ADAMTS2: variants seen among roughly 807,000 people sequenced by gnomAD.
The protein encoded by ADAMTS2 is A disintegrin and metalloproteinase with thrombospondin motifs 2.
Under a neutral mutation model 123.0 loss-of-function variants are expected in ADAMTS2, and 50 were observed. The observed-to-expected ratio is 0.41, with a 90% CI of 0.32 to 0.51. The LOEUF is 0.51. Ranked by LOEUF, ADAMTS2 falls within the 20% of genes least tolerant of loss-of-function variation. The pLI is 0.35. For synonymous variants in ADAMTS2, 678 were observed against 695.4 expected (o/e 0.98, Z 0.39); for missense variants, 1,494 against 1,705.2 (o/e 0.88, Z 2.18).
intron 2 of ADAMTS2, among the ~76,000 whole-genome samples, chr5:179,338,254 G>A (rs536051847): frequency 5.6e-4 from 85 of 152,214 alleles, no homozygotes; most frequent in Non-Finnish European, 8.5e-4. Context: ...CAGGAGAGAC[G>A]CCAGCCCACA....
intron 3 of ADAMTS2, among the ~76,000 whole-genome samples, chr5:179,252,360 C>T (rs1581221375): frequency 6.6e-6 from 1 of 152,168 alleles, no homozygotes; most frequent in Admixed American, 6.5e-5. Context: ...CTTCTATTTT[C>T]TTTGGATCAA....
intron 3 of ADAMTS2, among the ~76,000 whole-genome samples, chr5:179,221,904 G>A (rs958597477): frequency 6.6e-6 from 1 of 152,086 alleles, no homozygotes; most frequent in South Asian, 2.1e-4. Context: ...TGAGGAGCAG[G>A]CCTGCCCAAC....
Position 179,225,100 on chromosome 5 carries a change from G to A in ADAMTS2, c.689-17385C>T, listed in dbSNP as rs1181525629. ...GTTTTATGGTGGAATCCTCACGCAG[G>A]GGCCTGAGGAACACTCCCTGGTTAT... On this transcript the variant is annotated intron_variant, in intron 3 of 21. Coordinates refer to ENST00000251582, the MANE Select transcript of ADAMTS2 (RefSeq NM_014244.5). This position sits in a 1 kb window ranked among gnomAD's most constrained non-coding sequence, Gnocchi z 4.5. Among the ~76,000 whole-genome samples, 1 of 152,066 alleles carries A rather than the reference G, an allele frequency of 6.6e-6. No individual in the cohort carries two copies. Among genetic ancestry groups the A allele is most frequent in the Non-Finnish European group, 1.5e-5 (1 of 68,022 alleles).
Position 179,194,560 on chromosome 5 carries a change from C to G in ADAMTS2, c.891+12953G>C, listed in dbSNP as rs148549705. ...AAATGCTGTGGGGAGGTCAGTGAGG[C>G]CTGAGATGAGAACCCGCGGAGCATG... On this transcript the variant is annotated intron_variant, in intron 4 of 21. Transcript: ENST00000251582. 5.0e-3 allele frequency among the ~76,000 whole-genome samples: 766 copies of G among 152,186 alleles called. 3 individuals carry two copies. Among genetic ancestry groups the G allele is most frequent in the Middle Eastern group, 0.014 (4 of 294 alleles).
At chr5:179,279,011 G>T (rs1160937641) in intron 2 of ADAMTS2, among the ~76,000 whole-genome samples, 1 of 151,820 alleles carries the variant, frequency 6.6e-6, no homozygotes, top group Admixed American at 6.6e-5. Context: ...GAAGTTAGGG[G>T]TTCACAGGAA....
chr5:179,249,646 C>T (rs766740687), intron 3 of ADAMTS2, among the ~76,000 whole-genome samples: 5 of 152,000 alleles, frequency 3.3e-5, no homozygotes, highest in Non-Finnish European at 7.4e-5. Context: ...ATTAAATAAC[C>T]TAGAAGAAAT....
intron 2 of ADAMTS2, among the ~76,000 whole-genome samples, chr5:179,302,758 C>T (rs1278377340): frequency 6.6e-6 from 1 of 151,908 alleles, no homozygotes; most frequent in Non-Finnish European, 1.5e-5. Flanking sequence ...AGAGATGACA[C>T]TGGAGCTGAG....
intron 10 of ADAMTS2, among the ~76,000 whole-genome samples, chr5:179,151,661 C>T (rs555465128): frequency 2.5e-4 from 38 of 152,284 alleles, no homozygotes; most frequent in African/African-American, 9.1e-4. Context: ...AGAAGTCCTT[C>T]TTTCAAGAGT....
Position 179,154,813 on chromosome 5 carries a change from C to G in ADAMTS2, c.1238+1G>C, listed in dbSNP as rs1426773627. 2 of 1,608,104 alleles carry G rather than the reference C, an allele frequency of 1.2e-6. No individual in the cohort carries two copies. Among genetic ancestry groups the G allele is most frequent in the East Asian group, 4.5e-5 (2 of 44,720 alleles). On this transcript the variant is annotated splice_donor_variant, in intron 7 of 21. Transcript: ENST00000251582. LOFTEE classifies it high-confidence loss of function. The stretch of plus-strand genomic sequence containing the variant: ...GCCCCACCCTTCCCCAGGCCACTTA[C>G]ACGTGGCCAGTCTCATGGGCCACCA...
At position 179,158,055 on chromosome 5, in the gene ADAMTS2, C is replaced by A. The variant is rs985762366; in HGVS notation, c.1132+668G>T. Among the ~76,000 whole-genome samples, 8 of 151,996 alleles carry A rather than the reference C, an allele frequency of 5.3e-5. No homozygotes were observed. Among genetic ancestry groups the A allele is most frequent in the Admixed American group, 1.3e-4 (2 of 15,264 alleles). ...TCTCGACTCATTGCAAACTCCGCCT[C>A]CCGGGTTCACACCATTCTCCTGCCT... On this transcript the variant is annotated intron_variant, in intron 6 of 21. Coordinates refer to ENST00000251582, the MANE Select transcript of ADAMTS2 (RefSeq NM_014244.5). This position sits in a 1 kb window ranked among gnomAD's most constrained non-coding sequence, Gnocchi z 5.0.
chr5:179,149,711 A>G (rs763365536), intron 10 of ADAMTS2, among the ~76,000 whole-genome samples: 4 of 152,184 alleles, frequency 2.6e-5, no homozygotes, highest in Non-Finnish European at 5.9e-5. Context: ...GGACAGGGAA[A>G]CATACAGACC....
At position 179,299,477 on chromosome 5, in the gene ADAMTS2, C is replaced by T. The variant is rs151111310; in HGVS notation, c.535-26413G>A. On this transcript the variant is annotated intron_variant, in intron 2 of 21. Coordinates refer to ENST00000251582, the MANE Select transcript of ADAMTS2 (RefSeq NM_014244.5). ...CCAGGAGGCGGAGCTTGCAGTGAGC[C>T]AAGATCACACCACAGCACTCCAGCC... is the stretch of plus-strand genomic sequence containing the variant. Among the ~76,000 whole-genome samples the T allele has an allele frequency of 1.2e-3, 172 of 143,520 alleles. 1 individual carries two copies. Among genetic ancestry groups the T allele is most frequent in the African/African-American group, 4.2e-3 (161 of 38,402 alleles). The allele number at this position is 143,520 out of a possible 152,430, so 94.2% of individuals were successfully genotyped here.
At chr5:179,321,997 G>A (rs1041390938) in intron 2 of ADAMTS2, among the ~76,000 whole-genome samples, 1 of 152,220 alleles carries the variant, frequency 6.6e-6, no homozygotes, top group African/African-American at 2.4e-5. Context: ...TGTGGCATGG[G>A]CAGAGGCAGA....
chr5:179,339,081 C>T (rs554201039), intron 2 of ADAMTS2, among the ~76,000 whole-genome samples: 1 of 152,292 alleles, frequency 6.6e-6, no homozygotes, highest in Non-Finnish European at 1.5e-5. Flanking sequence ...TGGCCACAAC[C>T]GTGTTCACCA....
At chr5:179,141,228 T>A (rs1763164335) in intron 10 of ADAMTS2, among the ~76,000 whole-genome samples, 1 of 152,192 alleles carries the variant, frequency 6.6e-6, no homozygotes, top group African/African-American at 2.4e-5. Flanking sequence ...CAGCAAACCA[T>A]TCCTCAGCAA....
intron 1 of ADAMTS2, among the ~76,000 whole-genome samples, chr5:179,344,728 A>G (rs1398130156): frequency 6.6e-6 from 1 of 152,094 alleles, no homozygotes; most frequent in Non-Finnish European, 1.5e-5. Flanking sequence ...GCGCCCGAGG[A>G]CTGGGAGGGG....
rs1008605633 is a variant in ADAMTS2, at chr5:179,260,911, G to A, written c.688+12000C>T. The stretch of plus-strand genomic sequence containing the variant: ...TTTTCTCTCTGCTTCCAGGACTACC[G>A]TGCCTATTAAATGACACCATGAAGA... On this transcript the variant is annotated intron_variant, in intron 3 of 21. Transcript: ENST00000251582. The surrounding 1 kb of genome is among the most constrained non-coding windows in gnomAD (Gnocchi z 4.2). Among the ~76,000 whole-genome samples the A allele has an allele frequency of 2.3e-4, 35 of 152,042 alleles. No homozygotes were observed. Among genetic ancestry groups the A allele is most frequent in the African/African-American group, 8.0e-4 (33 of 41,390 alleles).
At chr5:179,206,774 C>G (rs113967154) in intron 4 of ADAMTS2, among the ~76,000 whole-genome samples, 5 of 152,194 alleles carry the variant, frequency 3.3e-5, no homozygotes, top group Admixed American at 1.3e-4. Flanking sequence ...CACCCACACA[C>G]GGTTCAGCAT....
At chr5:179,255,506 C>T (rs1399278507) in intron 3 of ADAMTS2, among the ~76,000 whole-genome samples, 3 of 152,308 alleles carry the variant, frequency 2.0e-5, no homozygotes, top group South Asian at 4.1e-4. Context: ...TGTGAGCAGA[C>T]TGCATTTCCA....
Sources: gnomAD v4.1 joint callset for allele counts (sites outside exome capture counted in the v4.1 genomes callset) on GRCh38, gnomAD v4.1.1 for gene constraint, Gnocchi (gnomAD v3.1) non-coding constraint, MANE v1.5 for transcripts, NCBI Gene and HGNC (gene_info 2026-07-23, HGNC 2026-07-21) for gene names.